Variants in THSD4 observed in about 807,000 individuals in gnomAD.
THSD4 encodes the protein thrombospondin type-1 domain-containing protein 4.
In THSD4, 69 loss-of-function variants were observed where a neutral mutation model predicts 119.0. The observed-to-expected ratio is 0.58, with a 90% CI of 0.48 to 0.71. THSD4 has a LOEUF of 0.71. Ranked by LOEUF, THSD4 falls within the 30% of genes least tolerant of loss-of-function variation. The pLI, the probability that THSD4 is intolerant of heterozygous loss-of-function variation, is 0.00. For missense variants in THSD4, 1,393 were observed against 1,391.1 expected (o/e 1.00, Z -0.02); for synonymous variants, 524 against 540.4 (o/e 0.97, Z 0.42).
chr15:71,658,745 A>G (rs1226060654), intron 7 of THSD4, among the ~76,000 whole-genome samples: 4 of 152,192 alleles, frequency 2.6e-5, no homozygotes, highest in South Asian at 2.1e-4. Context: ...CATAGCAAAC[A>G]TGGCATTTGG....
chr15:71,717,599 CAAAA>C (rs5813660), intron 8 of THSD4, among the ~76,000 whole-genome samples: 13 of 144,022 alleles, frequency 9.0e-5, no homozygotes, highest in Non-Finnish European at 1.1e-4. Context: ...TTTAGCATAG[CAAAA>C]AAAAAAAAAA....
intron 7 of THSD4, among the ~76,000 whole-genome samples, chr15:71,627,825 A>G (rs1322969238): frequency 1.3e-5 from 2 of 152,224 alleles, no homozygotes; most frequent in Non-Finnish European, 2.9e-5. Flanking sequence ...GGTTTCAAGC[A>G]GAGCATCTCC....
At chr15:71,702,249 A>C (rs2052306273) in intron 8 of THSD4, among the ~76,000 whole-genome samples, 1 of 152,228 alleles carries the variant, frequency 6.6e-6, no homozygotes, top group African/African-American at 2.4e-5. Context: ...AGGGAAAGAC[A>C]GGAGGAAGTT....
In THSD4 at chr15:71,777,907, A is replaced by G. The variant is rs2053942997; in HGVS notation, c.*533A>G. 1.2e-5 allele frequency: 2 copies of G among 160,244 alleles called. No individual in the cohort carries two copies. Among genetic ancestry groups the G allele is most frequent in the African/African-American group, 4.8e-5 (2 of 41,776 alleles). The allele number at this position is 160,244 out of a possible 1,614,324, so 9.9% of individuals were successfully genotyped here. The stretch of plus-strand genomic sequence containing the variant: ...AGACATTAGACTGTTTTCCTGCCCT[A>G]TGACACAGATAGCTCACATGAATAT... On this transcript the variant is annotated 3_prime_UTR_variant, in exon 18 of 18. Transcript: ENST00000261862.
chr15:71,195,937 A>G (rs1006034231), intron 3 of THSD4, among the ~76,000 whole-genome samples: 1 of 152,204 alleles, frequency 6.6e-6, no homozygotes, highest in African/African-American at 2.4e-5. Flanking sequence ...TAACCACTGC[A>G]TCCACCCATT....
intron 16 of THSD4, chr15:71,767,008 G>T (rs949553480): frequency 3.9e-5 from 6 of 152,326 alleles, no homozygotes; most frequent in African/African-American, 1.2e-4. Flanking sequence ...CCGTAGAGGG[G>T]CAGCATGGGA....
In THSD4 at chr15:71,768,363, A is replaced by G. The variant is rs1460929713; in HGVS notation, c.2770-2701A>G. ...TATAGAGCATAGAGGAACACGAATTACACCGTGGGAGCACAGTCAGCAAAA... is the reference window on the plus strand; with the variant it reads ...TATAGAGCATAGAGGAACACGAATTGCACCGTGGGAGCACAGTCAGCAAAA... On this transcript the variant is annotated intron_variant, in intron 16 of 17. Transcript: ENST00000261862. Among the ~76,000 whole-genome samples the G allele has an allele frequency of 2.0e-5, 3 of 152,154 alleles. No individual in the cohort carries two copies. The East Asian group carries it at 5.8e-4, about 29-fold the overall frequency.
intron 7 of THSD4, among the ~76,000 whole-genome samples, chr15:71,638,465 A>G (rs1477095199): frequency 6.6e-6 from 1 of 152,220 alleles, no homozygotes; most frequent in Non-Finnish European, 1.5e-5. Context: ...ACCCTTGAAC[A>G]CTAAAACTAT....
intron 7 of THSD4, among the ~76,000 whole-genome samples, chr15:71,641,245 A>G (rs970813315): frequency 1.3e-5 from 2 of 152,064 alleles, no homozygotes; most frequent in African/African-American, 4.8e-5. Flanking sequence ...TTTCCCAATC[A>G]CTACGTGGGA....
At chr15:71,544,005 G>C (rs540681515) in intron 7 of THSD4, among the ~76,000 whole-genome samples, 1 of 152,236 alleles carries the variant, frequency 6.6e-6, no homozygotes, top group South Asian at 2.1e-4. Flanking sequence ...TCCAGCCTGG[G>C]CAACAAGAAT....
At chr15:71,701,592 A>G (rs970689403) in intron 8 of THSD4, among the ~76,000 whole-genome samples, 1 of 152,196 alleles carries the variant, frequency 6.6e-6, no homozygotes, top group African/African-American at 2.4e-5. Flanking sequence ...ATCCTATGAA[A>G]CACTCTTTAG....
chr15:71,426,365 CTGTGTGTGTGTG>C (rs199965138), intron 7 of THSD4, among the ~76,000 whole-genome samples: 10 of 102,568 alleles, frequency 9.7e-5, no homozygotes, highest in South Asian at 5.8e-4. Context: ...GTAAGTATAG[CTGTGTGTGTGTG>C]TGTGTGTGTG....
chr15:71,485,022 C>T (rs770537989), intron 7 of THSD4, among the ~76,000 whole-genome samples: 8 of 152,272 alleles, frequency 5.3e-5, no homozygotes, highest in South Asian at 2.1e-4. Context: ...TCTTCAAATA[C>T]GTTGTTTCTC....
At chr15:71,223,125 T>C (rs890431434) in intron 4 of THSD4, among the ~76,000 whole-genome samples, 1 of 152,204 alleles carries the variant, frequency 6.6e-6, no homozygotes, top group East Asian at 1.9e-4. Flanking sequence ...TGCAGCATTT[T>C]ATCGTGTCTT....
At chr15:71,150,689 A>T (rs1023932003) in intron 2 of THSD4, among the ~76,000 whole-genome samples, 1 of 152,258 alleles carries the variant, frequency 6.6e-6, no homozygotes, top group African/African-American at 2.4e-5. Flanking sequence ...TTTTGCTGCC[A>T]TATCTTGTGA....
At chr15:71,517,966 G>A (rs543072267) in intron 7 of THSD4, among the ~76,000 whole-genome samples, 109 of 152,306 alleles carry the variant, frequency 7.2e-4, no homozygotes, top group African/African-American at 2.5e-3. Flanking sequence ...ACATATTTAT[G>A]CTTCATCTGT....
At chr15:71,338,274 C>T (rs1214814077) in intron 6 of THSD4, among the ~76,000 whole-genome samples, 1 of 125,200 alleles carries the variant, frequency 8.0e-6, no homozygotes, top group African/African-American at 2.9e-5. Flanking sequence ...ACCCCCACCC[C>T]CCGCCCCACT....
At position 71,249,262 on chromosome 15, in the gene THSD4, AT is replaced by A. The variant is rs1436681264; in HGVS notation, c.912+6168del. On this transcript the variant is annotated intron_variant, in intron 5 of 17. Coordinates refer to ENST00000261862, the MANE Select transcript of THSD4 (RefSeq NM_024817.3). ...TACACACAAATATATACACACGAGAATTGTTAACAGTTGTCATTTTTCATGA... is the reference window on the plus strand; with the variant it reads ...TACACACAAATATATACACACGAGAATGTTAACAGTTGTCATTTTTCATGA... 3.1e-4 allele frequency among the ~76,000 whole-genome samples: 47 copies of A among 152,212 alleles called. No homozygotes were observed. In the East Asian group the frequency reaches 7.1e-3, roughly 23 times the overall value.
At chr15:71,377,121 A>G (rs1241818833) in intron 6 of THSD4, among the ~76,000 whole-genome samples, 5 of 152,252 alleles carry the variant, frequency 3.3e-5, no homozygotes, top group African/African-American at 1.2e-4. Flanking sequence ...GAGGGAATCA[A>G]TGTGGCAGGA....
Sources: allele counts gnomAD v4.1 joint callset (sites outside exome capture counted in the v4.1 genomes callset), GRCh38; gene constraint gnomAD v4.1.1; transcripts MANE v1.5; gene names NCBI Gene and HGNC (gene_info 2026-07-23, HGNC 2026-07-21).